The following TNNI3K variants were observed in gnomAD, a reference collection of about 807,000 sequenced individuals.
TNNI3K encodes serine/threonine-protein kinase TNNI3K.
TNNI3K carries 140 observed loss-of-function variants against 114.5 expected under a neutral mutation model. That is an observed-to-expected ratio of 1.22 (90% CI 1.07 to 1.41). The LOEUF (loss-of-function observed/expected upper bound fraction) is 1.41. TNNI3K is among the 40% of genes most tolerant of loss of function. The pLI is 0.00. For synonymous variants in TNNI3K, 347 were observed against 347.5 expected (o/e 1.00, Z 0.02); for missense variants, 1,125 against 1,007.6 (o/e 1.12, Z -1.58).
chr1:74,253,812 C>CTGAA, intron 4 of TNNI3K, among the ~76,000 whole-genome samples: 1 of 152,194 alleles, frequency 6.6e-6, no homozygotes, highest in Non-Finnish European at 1.5e-5. Flanking sequence ...CAGCAGCGGG[C>CTGAA]TGAAGGGCTC....
chr1:74,287,307 TATC>T (rs1193005355), intron 5 of TNNI3K, among the ~76,000 whole-genome samples: 1 of 152,068 alleles, frequency 6.6e-6, no homozygotes, highest in Non-Finnish European at 1.5e-5. Flanking sequence ...TATTGAAAGA[TATC>T]ATGACAGAAA....
chr1:74,356,828 GCTGTATTTGTCA>G (rs1158453669), intron 11 of TNNI3K, among the ~76,000 whole-genome samples: 2 of 152,142 alleles, frequency 1.3e-5, no homozygotes, highest in Non-Finnish European at 2.9e-5. Flanking sequence ...TTCAACATAT[GCTGTATTTGTCA>G]CTGTATTTGT....
chr1:74,323,374 G>A (rs959882904), intron 5 of TNNI3K, among the ~76,000 whole-genome samples: 1 of 152,014 alleles, frequency 6.6e-6, no homozygotes, highest in Non-Finnish European at 1.5e-5. Flanking sequence ...TTTAAAATGC[G>A]GCTATTAATA....
At chr1:74,423,936 A>G (rs1356597340) in intron 17 of TNNI3K, among the ~76,000 whole-genome samples, 3 of 152,164 alleles carry the variant, frequency 2.0e-5, no homozygotes, top group African/African-American at 7.2e-5. Flanking sequence ...CATCATGTCT[A>G]CCATTGAAAG....
intron 23 of TNNI3K, among the ~76,000 whole-genome samples, chr1:74,498,440 T>C (rs1270088117): frequency 6.6e-6 from 1 of 152,230 alleles, no homozygotes. Context: ...CCCTATTAGA[T>C]CATAAATATG....
At chr1:74,252,417 C>T (rs1329212367) in intron 4 of TNNI3K, among the ~76,000 whole-genome samples, 2 of 152,090 alleles carry the variant, frequency 1.3e-5, no homozygotes, top group East Asian at 3.8e-4. Flanking sequence ...TTGCAAATTT[C>T]TTAACAAAAG....
intron 24 of TNNI3K, among the ~76,000 whole-genome samples, chr1:74,541,197 G>A (rs764269620): frequency 6.6e-5 from 10 of 152,166 alleles, no homozygotes; most frequent in Non-Finnish European, 1.3e-4. Context: ...TGGGTAGGGG[G>A]CAATAGACCT....
chr1:74,438,760 A>C (rs1666245454), intron 19 of TNNI3K, among the ~76,000 whole-genome samples: 1 of 152,142 alleles, frequency 6.6e-6, no homozygotes, highest in South Asian at 2.1e-4. Context: ...TTACAAATGA[A>C]AAGAATGTAA....
chr1:74,541,925 T>A (rs1646731426), intron 24 of TNNI3K, among the ~76,000 whole-genome samples: 1 of 152,252 alleles, frequency 6.6e-6, no homozygotes. Flanking sequence ...CTTCTCCCCC[T>A]GCTTTGCCGC....
At chr1:74,480,563 G>A (rs1230618366) in intron 21 of TNNI3K, 2 of 717,306 alleles carry the variant, frequency 2.8e-6, no homozygotes, top group Admixed American at 2.0e-5. Context: ...AAAATTGTTG[G>A]ATAAATCCAG....
chr1:74,368,376 A>G (rs1011341761), intron 13 of TNNI3K, among the ~76,000 whole-genome samples: 3 of 151,952 alleles, frequency 2.0e-5, no homozygotes, highest in African/African-American at 7.2e-5. Context: ...ACAGAAATGA[A>G]TAACATTGGA....
intron 17 of TNNI3K, among the ~76,000 whole-genome samples, chr1:74,398,612 G>A (rs1181905515): frequency 6.6e-6 from 1 of 152,166 alleles, no homozygotes; most frequent in Non-Finnish European, 1.5e-5. Flanking sequence ...CAGGCTGGGT[G>A]GAGGCCTTCC....
intron 6 of TNNI3K, 27 bp from the exon 7 acceptor site, chr1:74,335,984 C>T: frequency 1.3e-6 from 2 of 1,541,062 alleles, no homozygotes; most frequent in South Asian, 1.3e-5. Flanking sequence ...AATTTTTATA[C>T]TGATTTCAAA....
intron 13 of TNNI3K, 83 bp from the exon 14 acceptor site, chr1:74,368,935 TTTAG>T (rs1335736068): frequency 1.9e-6 from 2 of 1,069,158 alleles, no homozygotes; most frequent in Non-Finnish European, 2.6e-6. Context: ...AAATTATGTT[TTTAG>T]TTAAATATAT....
intron 5 of TNNI3K, among the ~76,000 whole-genome samples, chr1:74,294,535 T>G (rs1313252731): frequency 6.6e-6 from 1 of 152,048 alleles, no homozygotes; most frequent in Non-Finnish European, 1.5e-5. Context: ...GTGGAAATAT[T>G]TACAACACAA....
intron 21 of TNNI3K, chr1:74,469,728 GTTTTA>G (rs1364085483): frequency 5.1e-6 from 2 of 394,406 alleles, no homozygotes; most frequent in African/African-American, 4.1e-5. Context: ...TTCAACTCTG[GTTTTA>G]TTTTATTGAT....
chr1:74,534,832 G>A (rs17095536), intron 23 of TNNI3K, among the ~76,000 whole-genome samples: 2 of 152,106 alleles, frequency 1.3e-5, no homozygotes, highest in African/African-American at 4.8e-5. Context: ...ATGTGAAAGT[G>A]GTTTCTCTAC....
At chr1:74,338,718 G>T (rs897329663) in intron 7 of TNNI3K, among the ~76,000 whole-genome samples, 1 of 152,194 alleles carries the variant, frequency 6.6e-6, no homozygotes, top group South Asian at 2.1e-4. Flanking sequence ...AGACAACCGT[G>T]GCAAGAGACT....
At chr1:74,333,815 T>C (rs911240040) in intron 6 of TNNI3K, among the ~76,000 whole-genome samples, 3 of 152,252 alleles carry the variant, frequency 2.0e-5, no homozygotes, top group African/African-American at 7.2e-5. Context: ...TAGTCCTTAA[T>C]AGACAATCGA....
Sources: allele counts gnomAD v4.1 joint callset (sites outside exome capture counted in the v4.1 genomes callset), GRCh38; gene constraint gnomAD v4.1.1; transcripts MANE v1.5; gene names NCBI Gene and HGNC (gene_info 2026-07-23, HGNC 2026-07-21).